ARHGAP32: variants seen among roughly 807,000 people sequenced by gnomAD.
The protein encoded by ARHGAP32 is Rho GTPase activating protein 32, also known as rho GTPase-activating protein 32.
In ARHGAP32, 51 loss-of-function variants were observed where a neutral mutation model predicts 186.5. That is an observed-to-expected ratio of 0.27 (90% CI 0.22 to 0.35). The LOEUF (loss-of-function observed/expected upper bound fraction) is 0.35. ARHGAP32 is among the 10% of genes least tolerant of loss of function. ARHGAP32 has a pLI of 1.00. For synonymous variants in ARHGAP32, 950 were observed against 964.3 expected, an observed-to-expected ratio of 0.99 and a Z score of 0.27; for missense variants, 2,186 against 2,623.5, an observed-to-expected ratio of 0.83 and a Z score of 3.64.
intron 1 of ARHGAP32, among the ~76,000 whole-genome samples, chr11:129,216,973 G>A (rs1261661713): frequency 6.6e-6 from 1 of 151,850 alleles, no homozygotes; most frequent in African/African-American, 2.4e-5. Context: ...TGAAAATAAG[G>A]TGTGCTCTGT....
chr11:129,261,482 C>T (rs11221623), intron 1 of ARHGAP32, among the ~76,000 whole-genome samples: 3,120 of 152,188 alleles, frequency 0.021, 58 homozygotes, highest in African/African-American at 0.045. Flanking sequence ...TTAGACTTCC[C>T]CTCCTATCTT....
At chr11:129,255,551 C>A (rs1219597033) in intron 1 of ARHGAP32, among the ~76,000 whole-genome samples, 1 of 151,968 alleles carries the variant, frequency 6.6e-6, no homozygotes, top group African/African-American at 2.4e-5. Context: ...TATATTAAGA[C>A]CTAGGCCTCA....
chr11:129,101,246 A>T (rs1941890128), intron 5 of ARHGAP32, among the ~76,000 whole-genome samples: 1 of 152,224 alleles, frequency 6.6e-6, no homozygotes, highest in Non-Finnish European at 1.5e-5. Context: ...GACTGTACAT[A>T]AGCCCACAAA....
chr11:129,258,730 TC>T (rs1412942663), intron 1 of ARHGAP32, among the ~76,000 whole-genome samples: 1 of 152,166 alleles, frequency 6.6e-6, no homozygotes, highest in African/African-American at 2.4e-5. Context: ...AAGCTAAACT[TC>T]CTAAATAATT....
intron 1 of ARHGAP32, among the ~76,000 whole-genome samples, chr11:129,187,285 T>C (rs1313569147): frequency 6.6e-6 from 1 of 152,138 alleles, no homozygotes; most frequent in African/African-American, 2.4e-5. Flanking sequence ...ACATCACATG[T>C]TCTCACTTAT....
At chr11:129,062,832 A>C (rs1940555732) in intron 9 of ARHGAP32, among the ~76,000 whole-genome samples, 1 of 141,198 alleles carries the variant, frequency 7.1e-6, no homozygotes, top group Admixed American at 7.0e-5. Flanking sequence ...TATCTTATTT[A>C]ATCATACAGA....
At position 128,971,263 on chromosome 11, in the gene ARHGAP32, T is replaced by C. The variant is rs1171557793; in HGVS notation, c.4054-104A>G. ...AATTAAGGCTGGTTGGGTAGCAGCT[T>C]GAACTTTCCCAAGCCATGTGGTTGC... On this transcript the variant is annotated intron_variant, in intron 22 of 22. Transcript: ENST00000682385. 4.1e-6 allele frequency: 4 copies of C among 976,942 alleles called. No homozygotes were observed. In the African/African-American group the frequency reaches 4.9e-5, roughly 12 times the overall value. The allele number at this position is 976,942 out of a possible 1,614,324, so 60.5% of individuals were successfully genotyped here.
intron 1 of ARHGAP32, among the ~76,000 whole-genome samples, chr11:129,185,436 A>C (rs573479965): frequency 5.9e-5 from 9 of 152,262 alleles, no homozygotes; most frequent in African/African-American, 2.2e-4. Flanking sequence ...GGAACATCAC[A>C]CACCAGGGAC....
intron 11 of ARHGAP32, among the ~76,000 whole-genome samples, chr11:129,020,119 T>C (rs577455784): frequency 2.6e-5 from 4 of 152,124 alleles, no homozygotes; most frequent in South Asian, 4.1e-4. Context: ...CTAAGAAACA[T>C]ACCTTTAGTT....
In ARHGAP32 at chr11:129,224,409, A is replaced by C. The variant is rs117293854; in HGVS notation, c.-5+54737T>G. Among the ~76,000 whole-genome samples the C allele has an allele frequency of 9.7e-3, 1,483 of 152,296 alleles. 13 individuals are homozygous for C. Among genetic ancestry groups the C allele is most frequent in the Non-Finnish European group, 0.016 (1,115 of 68,010 alleles). ...TTACATCAGTGAAAACAGTAGAGTG[A>C]GTACCTCTGAAAATTCTCTCCTTAA... On this transcript the variant is annotated intron_variant, in intron 1 of 6. Coordinates refer to the ARHGAP32 transcript ENST00000525234.
At chr11:129,006,399 G>A (rs911143321) in intron 11 of ARHGAP32, among the ~76,000 whole-genome samples, 1 of 152,174 alleles carries the variant, frequency 6.6e-6, no homozygotes, top group Non-Finnish European at 1.5e-5. Flanking sequence ...GAAGTTGGGT[G>A]TTGTGATCTG....
At chr11:129,265,715 C>T (rs1464614864) in intron 1 of ARHGAP32, among the ~76,000 whole-genome samples, 1 of 152,080 alleles carries the variant, frequency 6.6e-6, no homozygotes, top group African/African-American at 2.4e-5. Flanking sequence ...GATAAAAAAA[C>T]AAGTGAATTT....
chr11:129,043,448 G>A (rs527942848), intron 10 of ARHGAP32, among the ~76,000 whole-genome samples: 2 of 138,280 alleles, frequency 1.4e-5, no homozygotes, highest in East Asian at 4.4e-4. Flanking sequence ...GTGCAACGAC[G>A]CGACCTCGGC....
rs1283700850 is a variant in ARHGAP32 at position 129,025,901 on chromosome 11, A to G, written c.1045+15027T>C. 4.7e-5 allele frequency among the ~76,000 whole-genome samples: 7 copies of G among 149,380 alleles called. No individual in the cohort carries two copies. In the South Asian group the frequency reaches 1.0e-3, roughly 22 times the overall value. On this transcript the variant is annotated intron_variant, in intron 11 of 22. Coordinates refer to ENST00000682385, the MANE Select transcript of ARHGAP32 (RefSeq NM_001378024.1). The stretch of plus-strand genomic sequence containing the variant: ...ATATGTTATATTACTTGACATATAT[A>G]TTTAAGTAATACATGTTATTACTTG...
chr11:129,149,144 T>G (rs904151106), intron 2 of ARHGAP32, among the ~76,000 whole-genome samples: 1 of 152,190 alleles, frequency 6.6e-6, no homozygotes, highest in Admixed American at 6.5e-5. Context: ...CTATAGCTGA[T>G]GCTCTTTTGA....
intron 11 of ARHGAP32, among the ~76,000 whole-genome samples, chr11:129,012,165 A>G (rs1227488262): frequency 3.3e-5 from 5 of 152,226 alleles, no homozygotes; most frequent in African/African-American, 1.2e-4. Flanking sequence ...CTAAGGACCA[A>G]AAAACTCCTG....
chr11:129,221,870 C>G (rs1255817529), intron 1 of ARHGAP32, among the ~76,000 whole-genome samples: 1 of 152,046 alleles, frequency 6.6e-6, no homozygotes, highest in Admixed American at 6.6e-5. Flanking sequence ...CCTCTTCTTT[C>G]TTTCTGCTCC....
chr11:129,177,637 G>A (rs1745051508), intron 1 of ARHGAP32, among the ~76,000 whole-genome samples: 1 of 152,042 alleles, frequency 6.6e-6, no homozygotes, highest in South Asian at 2.1e-4. Context: ...TTCAATATAA[G>A]CAAATCAATA....
rs1313068502 is a variant in ARHGAP32, at chr11:128,976,609, A to G, written c.2148T>C (p.Arg716=). Residue 716 remains arginine, a synonymous_variant, in exon 20 of 23, where the codon CGT becomes CGC. Coordinates refer to ENST00000682385, the MANE Select transcript of ARHGAP32 (RefSeq NM_001378024.1). ...TAAGAGACTCCTCACTTTTAGCTGA[A>G]CGGAGGGTTCCTTCTGCCCTGCCAC... ...LKGGRAEGTL[R]SAKSEESLTS... 1 of 1,614,100 alleles carries G rather than the reference A, an allele frequency of 6.2e-7. No homozygotes were observed. The highest frequency in any genetic ancestry group is 8.5e-7 in the Non-Finnish European group (1 of 1,179,954).
Sources: allele counts gnomAD v4.1 joint callset (sites outside exome capture counted in the v4.1 genomes callset), GRCh38; gene constraint gnomAD v4.1.1; transcripts MANE v1.5; gene names NCBI Gene and HGNC (gene_info 2026-07-23, HGNC 2026-07-21).